POMT2: variants seen among roughly 807,000 people sequenced by gnomAD.
POMT2 encodes protein O-mannosyl-transferase 2.
A neutral mutation model predicts 100.0 loss-of-function variants in POMT2; 75 were observed. That is an observed-to-expected ratio of 0.75 (90% CI 0.62 to 0.91). The LOEUF (loss-of-function observed/expected upper bound fraction) is 0.91. POMT2 is among the 40% of genes least tolerant of loss of function. The probability of loss-of-function intolerance (pLI) is 0.00; values close to 1 mark genes in which losing one functional copy is unlikely to be tolerated. For synonymous variants in POMT2, 378 were observed against 374.1 expected (o/e 1.01, Z -0.12); for missense variants, 940 against 955.1 (o/e 0.98, Z 0.21).
chr14:77,281,159 T>C (rs1324041942), intron 15 of POMT2, among the ~76,000 whole-genome samples: 1 of 152,004 alleles, frequency 6.6e-6, no homozygotes, highest in Non-Finnish European at 1.5e-5. Context: ...TACTTATTTG[T>C]TCCCTTCAGG....
At chr14:77,295,333 C>A (rs1004497683) in intron 9 of POMT2, among the ~76,000 whole-genome samples, 1 of 152,204 alleles carries the variant, frequency 6.6e-6, no homozygotes, top group Non-Finnish European at 1.5e-5. Context: ...TTTTCCCCAA[C>A]TTAAAGAGGA....
intron 5 of POMT2, among the ~76,000 whole-genome samples, chr14:77,301,960 C>A (rs888192572): frequency 3.9e-5 from 6 of 152,162 alleles, no homozygotes; most frequent in East Asian, 1.9e-4. Flanking sequence ...CCAAGCCCAA[C>A]AGAGCTCAGT....
At chr14:77,298,564 G>A in intron 8 of POMT2, 125 bp downstream of exon 8, 3 of 964,146 alleles carry the variant, frequency 3.1e-6, no homozygotes, top group Non-Finnish European at 4.9e-6. Context: ...AGATCTATCT[G>A]GGTCTTTCTC....
intron 2 of POMT2, among the ~76,000 whole-genome samples, chr14:77,308,530 T>G (rs888382786): frequency 1.3e-5 from 2 of 151,390 alleles, no homozygotes; most frequent in African/African-American, 4.9e-5. Context: ...TAATTTTTGT[T>G]TTTTTAGTAG....
chr14:77,298,821 G>A (rs1398094966), intron 7 of POMT2, 50 bp from the exon 8 acceptor site: 2 of 1,547,950 alleles, frequency 1.3e-6, no homozygotes, highest in South Asian at 2.3e-5. Context: ...GAGTGAAAGT[G>A]TGATTTCCCA....
chr14:77,312,037 A>C lies in POMT2; in HGVS notation c.249-4T>G. On this transcript the variant is annotated splice_polypyrimidine_tract_variant and splice_region_variant and intron_variant, in intron 1 of 20. Transcript: ENST00000261534. ...TCCAAAGTGAGTCTCATCCCAACTA[A>C]AGGAAACACAGAAAGAGAAACAAGA... 1 of 1,613,948 alleles carries C rather than the reference A, an allele frequency of 6.2e-7. No individual in the cohort carries two copies. The highest frequency in any genetic ancestry group is 1.1e-5 in the South Asian group (1 of 90,998).
chr14:77,280,138 T>C, intron 16 of POMT2, 58 bp from the exon 17 acceptor site: 1 of 1,612,208 alleles, frequency 6.2e-7, no homozygotes, highest in Middle Eastern at 1.8e-4. Flanking sequence ...GCCACACCCA[T>C]TAGGGGGAGG....
In POMT2 at chr14:77,320,569, A is replaced by C. The variant is rs1594813030; in HGVS notation, c.113T>G (p.Val38Gly). The change falls in exon 1 of 21, where the codon GTG becomes GGG. Residue 38 changes from valine to glycine, a missense_variant. Coordinates refer to ENST00000261534, the MANE Select transcript of POMT2 (RefSeq NM_013382.7). ...AAGRDVAAEA[V>G]ARSPKRPAWG... ...AGCAGGCCGTTTGGGGCTTCGCGCCACAGCCTCAGCGGCCACGTCCCGGCC... is the reference window on the plus strand; with the variant it reads ...AGCAGGCCGTTTGGGGCTTCGCGCCCCAGCCTCAGCGGCCACGTCCCGGCC... 6.4e-7 allele frequency: 1 copy of C among 1,573,116 alleles called. No individual in the cohort carries two copies. The highest frequency in any genetic ancestry group is 1.1e-5 in the South Asian group (1 of 87,858).
chr14:77,287,421 A>T (rs1457635560), intron 11 of POMT2: 2 of 151,952 alleles, frequency 1.3e-5, no homozygotes, highest in Admixed American at 1.3e-4. Flanking sequence ...TTTATTAATG[A>T]CAAATGAAAT....
rs1889963610 is a variant in POMT2 at position 77,276,601 on chromosome 14, T to C, written c.*775A>G. The C allele has an allele frequency of 6.6e-6, 1 of 152,540 alleles. No individual in the cohort carries two copies. Among genetic ancestry groups the C allele is most frequent in the South Asian group, 2.1e-4 (1 of 4,838 alleles). 9.4% of individuals were successfully genotyped at this position (152,540 alleles called of 1,614,324 possible). A position where few individuals can be genotyped will look rare whatever the true frequency, so the allele number is the denominator to read the frequency against. ...CCTGGGAACACTGAGCAGCCCAGGA[T>C]AGGACATCGTTCCTCCCGAGTGTCA... On this transcript the variant is annotated 3_prime_UTR_variant, in exon 21 of 21. Coordinates refer to ENST00000261534, the MANE Select transcript of POMT2 (RefSeq NM_013382.7).
At chr14:77,306,177 A>T in intron 3 of POMT2, 160 bp downstream of exon 3, 1 of 1,266,304 alleles carries the variant, frequency 7.9e-7, no homozygotes, top group Non-Finnish European at 1.1e-6. Flanking sequence ...AGTTCTGAGT[A>T]TCTACACCAC....
intron 6 of POMT2, chr14:77,300,876 T>C (rs1038676654): frequency 2.0e-5 from 13 of 665,162 alleles, no homozygotes; most frequent in Non-Finnish European, 2.7e-5. Flanking sequence ...CTTCCAAGAA[T>C]GTTAATCTAT....
chr14:77,313,844 A>T (rs1347506909), intron 1 of POMT2, among the ~76,000 whole-genome samples: 1 of 152,062 alleles, frequency 6.6e-6, no homozygotes, highest in Non-Finnish European at 1.5e-5. Flanking sequence ...AGTAGCTAGG[A>T]CTACAGGCGG....
intron 13 of POMT2, chr14:77,285,273 G>A (rs957009277): frequency 1.3e-6 from 1 of 742,588 alleles, no homozygotes; most frequent in Non-Finnish European, 2.2e-6. Flanking sequence ...ATGTGAAAAT[G>A]TTGAACTATC....
intron 7 of POMT2, 56 bp from the exon 8 acceptor site, chr14:77,298,827 TCCC>T: frequency 6.6e-7 from 1 of 1,508,902 alleles, no homozygotes; most frequent in East Asian, 2.4e-5. Context: ...AAGTGTGATT[TCCC>T]AGGAGCGCTG....
intron 4 of POMT2, among the ~76,000 whole-genome samples, chr14:77,303,588 C>T (rs1161261787): frequency 6.6e-6 from 1 of 152,148 alleles, no homozygotes; most frequent in African/African-American, 2.4e-5. Flanking sequence ...CCACAGAGGT[C>T]CACACCAGAA....
chr14:77,318,009 A>G (rs1243692980), intron 1 of POMT2, among the ~76,000 whole-genome samples: 1 of 152,250 alleles, frequency 6.6e-6, no homozygotes, highest in African/African-American at 2.4e-5. Context: ...TAACAATTGG[A>G]TATTAGAAGG....
At chr14:77,310,673 C>T (rs187297504) in intron 2 of POMT2, among the ~76,000 whole-genome samples, 191 of 152,264 alleles carry the variant, frequency 1.3e-3, no homozygotes, top group African/African-American at 4.4e-3. Context: ...GCCTTCCCTG[C>T]TCCTGCCTTT....
intron 1 of POMT2, among the ~76,000 whole-genome samples, chr14:77,316,037 C>T (rs1427502249): frequency 6.6e-6 from 1 of 152,120 alleles, no homozygotes; most frequent in Admixed American, 6.6e-5. Context: ...CAAAAAACAA[C>T]TTTGTGGCTG....
Sources: gnomAD v4.1 joint callset for allele counts (sites outside exome capture counted in the v4.1 genomes callset) on GRCh38, gnomAD v4.1.1 for gene constraint, MANE v1.5 for transcripts, NCBI Gene and HGNC (gene_info 2026-07-23, HGNC 2026-07-21) for gene names.